The following TONSL variants were observed in gnomAD, a reference collection of about 807,000 sequenced individuals.
TONSL encodes tonsoku-like protein.
In TONSL, 112 loss-of-function variants were observed where a neutral mutation model predicts 147.1. That is an observed-to-expected ratio of 0.76 (90% CI 0.65 to 0.89). The LOEUF is 0.89. Among genes scored for constraint, TONSL ranks in the 40% least tolerant of loss-of-function variants. The pLI is 0.00. For missense variants in TONSL, 1,883 were observed against 1,864.6 expected (o/e 1.01, Z -0.18); for synonymous variants, 868 against 801.5 (o/e 1.08, Z -1.40).
intron 25 of TONSL, among the ~76,000 whole-genome samples, chr8:144,430,031 G>A (rs1455430473): frequency 4.6e-5 from 7 of 152,180 alleles, no homozygotes; most frequent in Admixed American, 1.3e-4. Context: ...TGTGTCAGAG[G>A]AGCCCCTGCC....
At position 144,443,319 on chromosome 8, in the gene TONSL, G is replaced by A; in HGVS notation, c.267C>T (p.His89=). 2 of 1,548,072 alleles carry A rather than the reference G, an allele frequency of 1.3e-6. No homozygotes were observed. The highest frequency in any genetic ancestry group is 1.7e-6 in the Non-Finnish European group (2 of 1,145,116). The change falls in exon 4 of 26, where the codon CAC becomes CAT. Residue 89 remains histidine (H), a splice_region_variant and synonymous_variant. Transcript: ENST00000409379. ...GTGCCAGCTCCAGGTACTGGTGCTG[G>A]TGCTGAGTGTGGAAGGAAGTCACTG... is the stretch of plus-strand genomic sequence containing the variant. ...EMEDYPAALQ[H]QHQYLELAHS...
At position 144,442,769 on chromosome 8, in the gene TONSL, G is replaced by A; in HGVS notation, c.486C>T (p.Thr162=). The change falls in exon 5 of 26, where the codon ACC becomes ACT. Residue 162 remains threonine, a synonymous_variant. Transcript: ENST00000409379. ...TGAGGCCCAGGTTGAGATAGAGGCG[G>A]GTCCTCATCTCATTCAGCTCTCCCT... is the stretch of plus-strand genomic sequence containing the variant. ...LAQGELNEMR[T]RLYLNLGLTF... The A allele has an allele frequency of 6.2e-7, 1 of 1,612,832 alleles. No homozygotes were observed. Among genetic ancestry groups the A allele is most frequent in the South Asian group, 1.1e-5 (1 of 91,090 alleles).
rs534884350 is a variant in TONSL at position 144,440,077 on chromosome 8, GCCGCCTCCT to G, written c.1415_1423del (p.Glu472_Ala474del). The G allele has an allele frequency of 6.6e-5, 105 of 1,594,778 alleles. No individual in the cohort carries two copies. Among genetic ancestry groups the G allele is most frequent in the East Asian group, 4.0e-4 (18 of 44,768 alleles). On this transcript the variant is annotated inframe_deletion, in exon 11 of 26. Transcript: ENST00000409379. ...CAGGGCTTCGCTCTCCGCTGTGGCT[GCCGCCTCCT>G]CCGCCTCCTCCTCCTCATCTTCATC...
chr8:144,434,837 C>T lies in TONSL; in HGVS notation c.3059G>A (p.Arg1020His), dbSNP rs570393427. The T allele has an allele frequency of 3.9e-5, 63 of 1,613,502 alleles. No individual in the cohort carries two copies. The South Asian group carries it at 4.8e-4, about 12-fold the overall frequency. ...TTGCCCCAGGCTCTGGCAGGCCCTG[C>T]GGTAGCGGTCAGTCAACGGGGGCAG... Reference protein sequence around the residue: ...WDLPPLTDRYRRACQSLGQGE... With the variant: ...WDLPPLTDRYHRACQSLGQGE... The change falls in exon 20 of 26, where the codon CGC (arginine) becomes CAC (histidine). Residue 1020 changes from arginine (R) to histidine (H), a missense_variant. Coordinates refer to ENST00000409379, the MANE Select transcript of TONSL (RefSeq NM_013432.5).
chr8:144,443,742 G>T, intron 3 of TONSL, 140 bp downstream of exon 3: 1 of 1,221,280 alleles, frequency 8.2e-7, no homozygotes, highest in Non-Finnish European at 1.1e-6. Flanking sequence ...GGACTGGCCC[G>T]GGGCGGTGAA....
In TONSL at chr8:144,444,410, C is replaced by T. The variant is rs1052374304; in HGVS notation, c.5G>A (p.Ser2Asn). ...CTTACGGCGAAGCTCGCGCTCCAGG[C>T]TCATGCTCGGATCGCCGCGGGATCC... M[S>N]LERELRQLSK... The change falls in exon 1 of 26, where the codon AGC (serine) becomes AAC (asparagine). Residue 2 changes from serine to asparagine, a missense_variant. Transcript: ENST00000409379. 64 of 1,241,734 alleles carry T rather than the reference C, an allele frequency of 5.2e-5. No individual in the cohort carries two copies. The highest frequency in any genetic ancestry group is 1.3e-4 in the East Asian group (4 of 31,516). The allele number at this position is 1,241,734 out of a possible 1,614,324, so 76.9% of individuals were successfully genotyped here. A position where few individuals can be genotyped will look rare whatever the true frequency, so the allele number is the denominator to read the frequency against.
chr8:144,429,986 A>G (rs1215885178), intron 25 of TONSL, among the ~76,000 whole-genome samples: 1 of 152,158 alleles, frequency 6.6e-6, no homozygotes, highest in Non-Finnish European at 1.5e-5. Context: ...CTCAAGAGAG[A>G]ACAAGCTAAA....
At chr8:144,436,465 G>C (rs557964759) in intron 16 of TONSL, 47 bp from the exon 17 acceptor site, 1 of 1,545,544 alleles carries the variant, frequency 6.5e-7, no homozygotes, top group Non-Finnish European at 8.7e-7. Flanking sequence ...GGCACCTCCC[G>C]CTCCACCTGT....
In TONSL at chr8:144,433,958, G is replaced by A; in HGVS notation, c.3387+20C>T. 6.5e-7 allele frequency: 1 copy of A among 1,549,146 alleles called. No individual in the cohort carries two copies. The highest frequency in any genetic ancestry group is 8.7e-7 in the Non-Finnish European group (1 of 1,144,952). On this transcript the variant is annotated intron_variant, in intron 21 of 25. Coordinates refer to ENST00000409379, the MANE Select transcript of TONSL (RefSeq NM_013432.5). The stretch of plus-strand genomic sequence containing the variant: ...CCCAACTCCCCGCTGTTGAGGGCCT[G>A]CTGCTCTCTGTGCCTATACCTGCAA...
intron 22 of TONSL, 114 bp downstream of exon 22, chr8:144,433,474 G>T: frequency 1.9e-6 from 2 of 1,038,352 alleles, no homozygotes; most frequent in Non-Finnish European, 2.8e-6. Context: ...CTCTCAAGTA[G>T]CTGGGACCAC....
In TONSL at chr8:144,442,822, C is replaced by G. The variant is rs905896780; in HGVS notation, c.449-16G>C. The stretch of plus-strand genomic sequence containing the variant: ...GCCAGTGTCCCTGGAAGATACCCCC[C>G]CAAACACTCAGCCACTTCCTCCCCA... On this transcript the variant is annotated splice_polypyrimidine_tract_variant and intron_variant, in intron 4 of 25. Coordinates refer to ENST00000409379, the MANE Select transcript of TONSL (RefSeq NM_013432.5). 20 of 1,605,230 alleles carry G rather than the reference C, an allele frequency of 1.2e-5. No individual in the cohort carries two copies. The highest frequency in any genetic ancestry group is 1.7e-5 in the Non-Finnish European group (20 of 1,175,486).
At chr8:144,429,739 G>C (rs1823099712) in intron 25 of TONSL, among the ~76,000 whole-genome samples, 1 of 152,206 alleles carries the variant, frequency 6.6e-6, no homozygotes, top group African/African-American at 2.4e-5. Context: ...CTGAGGTGTG[G>C]GGAAGGGGTC....
In TONSL at chr8:144,436,268, T is replaced by C; in HGVS notation, c.2165A>G (p.Gln722Arg). 6.6e-7 allele frequency: 1 copy of C among 1,517,266 alleles called. No homozygotes were observed. The highest frequency in any genetic ancestry group is 8.8e-7 in the Non-Finnish European group (1 of 1,138,140). 94.0% of individuals were successfully genotyped at this position (1,517,266 alleles called of 1,614,324 possible). A position where few individuals can be genotyped will look rare whatever the true frequency, so the allele number is the denominator to read the frequency against. Reference protein sequence around the residue: ...SQAHVRVSPGQAAPAMARPRR... With the variant: ...SQAHVRVSPGRAAPAMARPRR... Reference sequence around the variant, plus strand: ...AGGCCTGGCCATGGCTGGTGCCGCCTGCCCTGGGGAGACCCTGACATGGGC... The same window carrying C: ...AGGCCTGGCCATGGCTGGTGCCGCCCGCCCTGGGGAGACCCTGACATGGGC... The change falls in exon 17 of 26, where the codon CAG (glutamine) becomes CGG (arginine). Residue 722 changes from glutamine to arginine, a missense_variant. Gln to Arg is a conservative substitution (Grantham distance 43). Coordinates refer to ENST00000409379, the MANE Select transcript of TONSL (RefSeq NM_013432.5).
In TONSL at chr8:144,442,232, A is replaced by G. The variant is rs376106893; in HGVS notation, c.750+9T>C. ...AGAGCCTGAGCTCGGAGCCACGCAC[A>G]GCGGGTACCTGTGCAATAACCACGC... On this transcript the variant is annotated intron_variant, in intron 6 of 25. Transcript: ENST00000409379. 2 of 1,587,304 alleles carry G rather than the reference A, an allele frequency of 1.3e-6. No individual in the cohort carries two copies. Among genetic ancestry groups the G allele is most frequent in the Non-Finnish European group, 1.7e-6 (2 of 1,163,524 alleles).
intron 2 of TONSL, 21 bp from the exon 3 acceptor site, chr8:144,444,045 G>A: frequency 6.7e-7 from 1 of 1,502,722 alleles, no homozygotes; most frequent in African/African-American, 1.4e-5. Context: ...GCACAGCACG[G>A]CCTGGCAGGC....
intron 25 of TONSL, 37 bp from the exon 26 acceptor site, chr8:144,429,373 G>T: frequency 7.3e-7 from 1 of 1,364,012 alleles, no homozygotes; most frequent in Non-Finnish European, 9.5e-7. Context: ...AGCGCTGCGG[G>T]GGCCGGCGGC....
Position 144,429,020 on chromosome 8 carries a change from A to G in TONSL, c.*123T>C. On this transcript the variant is annotated 3_prime_UTR_variant, in exon 26 of 26. Coordinates refer to ENST00000409379, the MANE Select transcript of TONSL (RefSeq NM_013432.5). ...TAGCCAGGATGGTCTCGATCTCCTG[A>G]CCTCGTGATCCGCCCGCCTGGGCCT... 8.9e-7 allele frequency: 1 copy of G among 1,129,718 alleles called. No homozygotes were observed. Among genetic ancestry groups the G allele is most frequent in the African/African-American group, 1.6e-5 (1 of 61,080 alleles). 70.0% of individuals were successfully genotyped at this position (1,129,718 alleles called of 1,614,324 possible).
chr8:144,428,897 C>G lies in TONSL; in HGVS notation c.*246G>C, dbSNP rs1292186176. On this transcript the variant is annotated 3_prime_UTR_variant, in exon 26 of 26. Coordinates refer to ENST00000409379, the MANE Select transcript of TONSL (RefSeq NM_013432.5). Reference sequence around the variant, plus strand: ...CTCCGCCTCCCGGGTTCACGCCATTCTCCTGCCTCAGCCTCCGGAGTAGCT... The same window carrying G: ...CTCCGCCTCCCGGGTTCACGCCATTGTCCTGCCTCAGCCTCCGGAGTAGCT... The G allele has an allele frequency of 5.3e-6, 2 of 375,436 alleles. No individual in the cohort carries two copies. The highest frequency in any genetic ancestry group is 9.5e-6 in the Non-Finnish European group (2 of 209,456). The allele number at this position is 375,436 out of a possible 1,614,324, so 23.3% of individuals were successfully genotyped here.
Position 144,434,374 on chromosome 8 carries a change from C to T in TONSL, c.3086-95G>A, listed in dbSNP as rs1394788252. On this transcript the variant is annotated intron_variant, in intron 20 of 25. Transcript: ENST00000409379. ...CCAGGCAGCCCCTTTTCAACAGCCC[C>T]AGGGGTCACCCACCAGACTTGCTGT... 10 of 1,092,906 alleles carry T rather than the reference C, an allele frequency of 9.1e-6. No individual in the cohort carries two copies. In the East Asian group the frequency reaches 2.5e-4, roughly 27 times the overall value. 67.7% of individuals were successfully genotyped at this position (1,092,906 alleles called of 1,614,324 possible).
Sources: gnomAD v4.1 joint callset for allele counts (sites outside exome capture counted in the v4.1 genomes callset) on GRCh38, gnomAD v4.1.1 for gene constraint, MANE v1.5 for transcripts, NCBI Gene and HGNC (gene_info 2026-07-23, HGNC 2026-07-21) for gene names.